The following CNTN5 variants were observed in gnomAD, a reference collection of about 807,000 sequenced individuals.
CNTN5 encodes the protein contactin 5.
Under a neutral mutation model 129.1 loss-of-function variants are expected in CNTN5, and 77 were observed. The observed-to-expected ratio is 0.60, with a 90% CI of 0.50 to 0.72. The LOEUF (loss-of-function observed/expected upper bound fraction) is 0.72, where lower values mean the gene tolerates loss of function less well. Ranked by LOEUF, CNTN5 falls within the 30% of genes least tolerant of loss-of-function variation. The pLI is 0.00. For missense variants in CNTN5, 1,478 were observed against 1,328.8 expected, an observed-to-expected ratio of 1.11 and a Z score of -1.75; for synonymous variants, 509 against 465.6, an observed-to-expected ratio of 1.09 and a Z score of -1.20.
At chr11:99,738,426 T>C (rs1943779898) in intron 3 of CNTN5, among the ~76,000 whole-genome samples, 1 of 152,168 alleles carries the variant, frequency 6.6e-6, no homozygotes, top group African/African-American at 2.4e-5. Context: ...GTCTGTGGTA[T>C]TTGGCTATAG....
intron 15 of CNTN5, among the ~76,000 whole-genome samples, chr11:100,211,617 A>G (rs1591397048): frequency 6.6e-6 from 1 of 152,312 alleles, no homozygotes; most frequent in East Asian, 1.9e-4. Context: ...CAACTTAAGA[A>G]GAGCTGCTTA....
intron 1 of CNTN5, among the ~76,000 whole-genome samples, chr11:99,196,419 T>G (rs1858905044): frequency 6.6e-6 from 1 of 151,960 alleles, no homozygotes; most frequent in Non-Finnish European, 1.5e-5. Flanking sequence ...CATGTGTCTG[T>G]GCATGTATGC....
intron 3 of CNTN5, among the ~76,000 whole-genome samples, chr11:99,724,404 T>A (rs113892031): frequency 0.028 from 4,230 of 152,264 alleles, 77 homozygotes; most frequent in African/African-American, 0.05. Flanking sequence ...TGAGTATGTG[T>A]TCATTTTTAT....
chr11:99,136,039 A>T (rs1859201348), intron 1 of CNTN5, among the ~76,000 whole-genome samples: 1 of 152,154 alleles, frequency 6.6e-6, no homozygotes, highest in African/African-American at 2.4e-5. Context: ...TATGTCACTA[A>T]AATAAACACT....
chr11:99,106,626 C>T (rs1352940539), intron 1 of CNTN5, among the ~76,000 whole-genome samples: 2 of 151,910 alleles, frequency 1.3e-5, no homozygotes, highest in Non-Finnish European at 2.9e-5. Context: ...GTATATGTCA[C>T]ATTCTTATCT....
At chr11:99,109,182 T>G (rs1857665895) in intron 1 of CNTN5, among the ~76,000 whole-genome samples, 1 of 151,832 alleles carries the variant, frequency 6.6e-6, no homozygotes, top group Admixed American at 6.6e-5. Context: ...TATCTGATGT[T>G]GTTACATGTG....
intron 2 of CNTN5, among the ~76,000 whole-genome samples, chr11:99,348,121 C>A (rs1275031793): frequency 1.3e-5 from 2 of 152,068 alleles, no homozygotes; most frequent in South Asian, 4.1e-4. Flanking sequence ...TAGCGGATCA[C>A]GAGGTCAGGA....
chr11:100,061,509 A>G, intron 10 of CNTN5, 116 bp downstream of exon 10: 1 of 699,488 alleles, frequency 1.4e-6, no homozygotes, highest in South Asian at 2.4e-5. Flanking sequence ...AATAATTTAT[A>G]ATCATACTTC....
intron 13 of CNTN5, among the ~76,000 whole-genome samples, chr11:100,128,312 T>C (rs1946262190): frequency 6.6e-6 from 1 of 152,140 alleles, no homozygotes; most frequent in Non-Finnish European, 1.5e-5. Flanking sequence ...TCATCTTTGA[T>C]ACTTTCCTCT....
chr11:99,278,192 T>C (rs1863533206), intron 1 of CNTN5, among the ~76,000 whole-genome samples: 1 of 151,422 alleles, frequency 6.6e-6, no homozygotes, highest in African/African-American at 2.4e-5. Context: ...GCTTGGAAGG[T>C]CTGGGGTGTA....
At chr11:99,973,721 T>G (rs1051811843) in intron 8 of CNTN5, among the ~76,000 whole-genome samples, 1 of 152,194 alleles carries the variant, frequency 6.6e-6, no homozygotes, top group Non-Finnish European at 1.5e-5. Flanking sequence ...GATTCTGGAT[T>G]TATTATTTTG....
intron 6 of CNTN5, among the ~76,000 whole-genome samples, chr11:99,905,074 T>C (rs923001044): frequency 6.6e-6 from 1 of 152,224 alleles, no homozygotes; most frequent in Admixed American, 6.5e-5. Flanking sequence ...TGCAAAAATA[T>C]CCCTTTCTGT....
chr11:99,060,037 T>C (rs1864810110), intron 1 of CNTN5, among the ~76,000 whole-genome samples: 1 of 152,206 alleles, frequency 6.6e-6, no homozygotes, highest in South Asian at 2.1e-4. Flanking sequence ...TATATTAAAA[T>C]ATTGATATTT....
chr11:99,164,186 C>T (rs1341494715), intron 1 of CNTN5, among the ~76,000 whole-genome samples: 5 of 151,774 alleles, frequency 3.3e-5, no homozygotes, highest in Admixed American at 3.3e-4. Context: ...ATTAACAGGG[C>T]ATGGTGGCAC....
intron 9 of CNTN5, among the ~76,000 whole-genome samples, chr11:100,038,665 A>C (rs1402367284): frequency 6.6e-6 from 1 of 152,010 alleles, no homozygotes; most frequent in African/African-American, 2.4e-5. Flanking sequence ...TATTGGGTGC[A>C]TATATATTTA....
At chr11:100,191,295 G>A in intron 14 of CNTN5, 42 bp downstream of exon 14, 1 of 1,547,472 alleles carries the variant, frequency 6.5e-7, no homozygotes, top group East Asian at 2.3e-5. Flanking sequence ...ATAGTCTCAT[G>A]GTCTTATCGG....
rs1036225263 is a variant in CNTN5 at position 100,357,657 on chromosome 11, A to T, written c.*1437A>T. On this transcript the variant is annotated 3_prime_UTR_variant, in exon 25 of 25. Coordinates refer to ENST00000524871, the MANE Select transcript of CNTN5 (RefSeq NM_014361.4). ...AGGCGATGTTAACAAGAGAACAAAA[A>T]TTGGTTTTATAATTTTATATAATTT... The T allele has an allele frequency of 6.6e-6, 1 of 151,470 alleles. No individual in the cohort carries two copies. Among genetic ancestry groups the T allele is most frequent in the Non-Finnish European group, 1.5e-5 (1 of 67,794 alleles). 9.4% of individuals were successfully genotyped at this position (151,470 alleles called of 1,614,324 possible).
At chr11:99,210,384 G>T (rs992467476) in intron 1 of CNTN5, among the ~76,000 whole-genome samples, 1 of 151,994 alleles carries the variant, frequency 6.6e-6, no homozygotes, top group Admixed American at 6.6e-5. Context: ...AGGTCATTTA[G>T]TTGGGGAAAG....
chr11:100,015,284 T>C (rs952918644), intron 9 of CNTN5, among the ~76,000 whole-genome samples: 2 of 152,164 alleles, frequency 1.3e-5, no homozygotes, highest in Non-Finnish European at 2.9e-5. Flanking sequence ...AGTAGGGTGT[T>C]ATGCAGTAAT....
Sources: allele counts gnomAD v4.1 joint callset (sites outside exome capture counted in the v4.1 genomes callset), GRCh38; gene constraint gnomAD v4.1.1; transcripts MANE v1.5; gene names NCBI Gene and HGNC (gene_info 2026-07-23, HGNC 2026-07-21).